UBE3C: variants seen among roughly 807,000 people sequenced by gnomAD.
UBE3C encodes ubiquitin-protein ligase E3C.
A neutral mutation model predicts 129.4 loss-of-function variants in UBE3C; 42 were observed. That is an observed-to-expected ratio of 0.32 (90% CI 0.25 to 0.42). The LOEUF (loss-of-function observed/expected upper bound fraction) is 0.42. Ranked by LOEUF, UBE3C falls within the 10% of genes least tolerant of loss-of-function variation. UBE3C has a pLI of 1.00. For synonymous variants in UBE3C, 510 were observed against 492.4 expected, an observed-to-expected ratio of 1.04 and a Z score of -0.47; for missense variants, 1,049 against 1,319.1, an observed-to-expected ratio of 0.80 and a Z score of 3.17.
rs768297135 is a variant in UBE3C, at chr7:157,231,284, C to G, written c.2438C>G (p.Ser813Cys). The G allele has an allele frequency of 2.5e-6, 4 of 1,614,134 alleles. No individual in the cohort carries two copies. Among genetic ancestry groups the G allele is most frequent in the Non-Finnish European group, 3.4e-6 (4 of 1,180,014 alleles). ...GCTGCTCAGATGCTTGTGGGAGATTCTTTTGCCAGACATTACTACTTCCTA... is the reference window on the plus strand; with the variant it reads ...GCTGCTCAGATGCTTGTGGGAGATTGTTTTGCCAGACATTACTACTTCCTA... Reference protein sequence around the residue: ...NPAAQMLVGDSFARHYYFLGR... With the variant: ...NPAAQMLVGDCFARHYYFLGR... Residue 813 changes from serine (S) to cysteine (C), a missense_variant, in exon 18 of 23, where the codon TCT becomes TGT. Physicochemically the swap from Ser to Cys is moderately radical, Grantham distance 112. Around this residue, in one of 4 missense-constraint regions of UBE3C, gnomAD observed 243 missense variants for 368.7 expected, o/e 0.66. Coordinates refer to ENST00000348165, the MANE Select transcript of UBE3C (RefSeq NM_014671.3).
intron 1 of UBE3C, among the ~76,000 whole-genome samples, chr7:157,155,758 T>G (rs1807885009): frequency 6.6e-6 from 1 of 152,228 alleles, no homozygotes; most frequent in Non-Finnish European, 1.5e-5. Context: ...TTGGTCATAT[T>G]TAATGTTCAG....
At chr7:157,256,411 G>A (rs139865858) in intron 21 of UBE3C, among the ~76,000 whole-genome samples, 1,713 of 152,066 alleles carry the variant, frequency 0.011, 36 homozygotes, top group African/African-American at 0.039. Flanking sequence ...CCAAAGTGCT[G>A]GGATTACAGG....
chr7:157,267,864 C>CCTG lies in UBE3C; in HGVS notation c.*109_*110insCTG. On this transcript the variant is annotated 3_prime_UTR_variant, in exon 23 of 23. Coordinates refer to ENST00000348165, the MANE Select transcript of UBE3C (RefSeq NM_014671.3). ...ACTGCACGCCTGAGGCTCTCCTAAG[C>CCTG]TCCTTCTTTCATTCTGCCATTCCTC... 2 of 908,290 alleles carry CCTG rather than the reference C, an allele frequency of 2.2e-6. No homozygotes were observed. Among genetic ancestry groups the CCTG allele is most frequent in the Non-Finnish European group, 3.2e-6 (2 of 634,044 alleles). 56.3% of individuals were successfully genotyped at this position (908,290 alleles called of 1,614,324 possible).
intron 10 of UBE3C, among the ~76,000 whole-genome samples, chr7:157,197,272 G>A (rs1162928213): frequency 6.6e-6 from 1 of 152,024 alleles, no homozygotes; most frequent in Non-Finnish European, 1.5e-5. Context: ...TTTACCAAAT[G>A]CATTTATCAA....
chr7:157,216,282 A>G (rs986171627), intron 13 of UBE3C, among the ~76,000 whole-genome samples: 3 of 152,106 alleles, frequency 2.0e-5, no homozygotes, highest in Non-Finnish European at 2.9e-5. Context: ...AAAAAGTTGT[A>G]CAAAATTGCA....
intron 10 of UBE3C, among the ~76,000 whole-genome samples, chr7:157,198,867 A>G (rs914260958): frequency 2.0e-5 from 3 of 152,156 alleles, no homozygotes; most frequent in African/African-American, 7.2e-5. Flanking sequence ...TTGTTTTATT[A>G]TTGCTTATTG....
chr7:157,144,349 C>T (rs556733769), intron 1 of UBE3C, among the ~76,000 whole-genome samples: 1 of 151,932 alleles, frequency 6.6e-6, no homozygotes, highest in Admixed American at 6.6e-5. Context: ...TGAAAAGCAC[C>T]GGAAGATTGG....
At chr7:157,264,771 ATGTT>A (rs1414130817) in intron 22 of UBE3C, among the ~76,000 whole-genome samples, 2 of 152,144 alleles carry the variant, frequency 1.3e-5, no homozygotes, top group African/African-American at 2.4e-5. Flanking sequence ...GGGTTTCGCC[ATGTT>A]GGTCAGGCTG....
chr7:157,185,994 A>G (rs1586672230), intron 9 of UBE3C, among the ~76,000 whole-genome samples: 1 of 152,198 alleles, frequency 6.6e-6, no homozygotes, highest in East Asian at 1.9e-4. Flanking sequence ...ACACATACAT[A>G]TGAAAAAAGT....
intron 1 of UBE3C, among the ~76,000 whole-genome samples, chr7:157,156,507 A>C (rs1057477076): frequency 6.6e-6 from 1 of 151,624 alleles, no homozygotes; most frequent in African/African-American, 2.4e-5. Context: ...GGGTTTCACT[A>C]CGTTGGCTGG....
chr7:157,174,085 G>C (rs534064029), intron 4 of UBE3C, among the ~76,000 whole-genome samples: 1 of 152,282 alleles, frequency 6.6e-6, no homozygotes, highest in African/African-American at 2.4e-5. Flanking sequence ...TATCTTTGCC[G>C]AGGGTGGTGG....
At chr7:157,140,754 T>C (rs1282450013) in intron 1 of UBE3C, among the ~76,000 whole-genome samples, 1 of 152,202 alleles carries the variant, frequency 6.6e-6, no homozygotes, top group African/African-American at 2.4e-5. Context: ...TGGTCCCTTT[T>C]CACCAAGGAG....
At chr7:157,216,838 T>C (rs751334459) in intron 13 of UBE3C, 29 bp from the exon 14 acceptor site, 2 of 1,564,724 alleles carry the variant, frequency 1.3e-6, no homozygotes, top group South Asian at 2.2e-5. Context: ...AGCTCACGTG[T>C]GTGACGCGGA....
chr7:157,178,488 A>G (rs1323163877), intron 5 of UBE3C, among the ~76,000 whole-genome samples: 1 of 152,218 alleles, frequency 6.6e-6, no homozygotes, highest in African/African-American at 2.4e-5. Context: ...CGTTTGGCAC[A>G]TAACGAGAAT....
chr7:157,217,337 G>A (rs1795610102), intron 14 of UBE3C: 1 of 164,556 alleles, frequency 6.1e-6, no homozygotes, highest in Non-Finnish European at 1.3e-5. Context: ...TTTTTTTTGA[G>A]ACGGAATCTT....
At position 157,251,542 on chromosome 7, in the gene UBE3C, G is replaced by A. The variant is rs544384670; in HGVS notation, c.2695-2412G>A. 7.9e-5 allele frequency among the ~76,000 whole-genome samples: 12 copies of A among 152,286 alleles called. No homozygotes were observed. The East Asian group carries it at 1.9e-3, about 24-fold the overall frequency. On this transcript the variant is annotated intron_variant, in intron 19 of 22. Transcript: ENST00000348165. Reference sequence around the variant, plus strand: ...AAGACCCCTTCCTCATCTCAGACGGGTGTGAGTGCCGGAGGATGAAATGAG... The same window carrying A: ...AAGACCCCTTCCTCATCTCAGACGGATGTGAGTGCCGGAGGATGAAATGAG...
intron 13 of UBE3C, among the ~76,000 whole-genome samples, chr7:157,214,032 A>G (rs1374526099): frequency 1.3e-5 from 2 of 152,150 alleles, no homozygotes; most frequent in African/African-American, 4.8e-5. Context: ...GTCTATCTTG[A>G]TATCCCATCC....
intron 1 of UBE3C, among the ~76,000 whole-genome samples, chr7:157,156,566 A>G (rs1807912856): frequency 6.6e-6 from 1 of 151,924 alleles, no homozygotes; most frequent in Non-Finnish European, 1.5e-5. Flanking sequence ...CTGGCCTCCA[A>G]AACTGCTAGC....
rs1563042739 is a variant in UBE3C, at chr7:157,178,824, T to C, written c.593T>C (p.Ile198Thr). 6.2e-7 allele frequency: 1 copy of C among 1,614,134 alleles called. No individual in the cohort carries two copies. The highest frequency in any genetic ancestry group is 8.5e-7 in the Non-Finnish European group (1 of 1,180,016). Residue 198 changes from isoleucine (I) to threonine (T), a missense_variant, in exon 6 of 23, where the codon ATT becomes ACT. Ile to Thr is a moderately conservative substitution (Grantham distance 89). This residue lies in a region of UBE3C where 489 missense variants were observed against 513.8 expected (regional missense o/e 0.95). Transcript: ENST00000348165. Reference protein sequence around the residue: ...ASYVVSVIEQILHYMIHNGYY... With the variant: ...ASYVVSVIEQTLHYMIHNGYY... ...TATGTGGTGTCAGTGATTGAACAAA[T>C]TTTGCACTACATGATTCACAATGGT...
Sources: gnomAD v4.1 joint callset for allele counts (sites outside exome capture counted in the v4.1 genomes callset) on GRCh38, gnomAD v4.1.1 for gene constraint, gnomAD v4.1.1 regional missense constraint, MANE v1.5 for transcripts, NCBI Gene and HGNC (gene_info 2026-07-23, HGNC 2026-07-21) for gene names.